The following KIAA1549L variants were observed in gnomAD, a reference collection of about 807,000 sequenced individuals.
KIAA1549L encodes KIAA1549 like.
A neutral mutation model predicts 160.7 loss-of-function variants in KIAA1549L; 88 were observed. That is an observed-to-expected ratio of 0.55 (90% CI 0.46 to 0.65). The LOEUF is 0.65. KIAA1549L is among the 30% of genes least tolerant of loss of function. KIAA1549L has a pLI of 0.00. For missense variants in KIAA1549L, 2,258 were observed against 2,437.5 expected (o/e 0.93, Z 1.55); for synonymous variants, 950 against 976.7 (o/e 0.97, Z 0.51).
At chr11:33,619,555 A>G (rs929454377) in intron 16 of KIAA1549L, among the ~76,000 whole-genome samples, 1 of 152,228 alleles carries the variant, frequency 6.6e-6, no homozygotes, top group African/African-American at 2.4e-5. Context: ...CCTCAGGATT[A>G]GTCATCTTTT....
intron 1 of KIAA1549L, among the ~76,000 whole-genome samples, chr11:33,459,768 C>T (rs867508698): frequency 6.6e-6 from 1 of 150,664 alleles, no homozygotes; most frequent in East Asian, 2.0e-4. Context: ...GAGACCATCC[C>T]GGCTAAAACG....
At chr11:33,394,963 T>C (rs762093063) in intron 1 of KIAA1549L, among the ~76,000 whole-genome samples, 1 of 152,176 alleles carries the variant, frequency 6.6e-6, no homozygotes, top group Non-Finnish European at 1.5e-5. Flanking sequence ...GACTTGGCCA[T>C]AGTGACCTGC....
At chr11:33,537,932 T>C (rs1213903688) in intron 1 of KIAA1549L, among the ~76,000 whole-genome samples, 1 of 152,240 alleles carries the variant, frequency 6.6e-6, no homozygotes, top group African/African-American at 2.4e-5. Context: ...TAAATAAAGT[T>C]GATACTTTGG....
chr11:33,558,217 A>G (rs1408147050), intron 6 of KIAA1549L, among the ~76,000 whole-genome samples: 3 of 152,204 alleles, frequency 2.0e-5, no homozygotes, highest in Non-Finnish European at 1.5e-5. Flanking sequence ...GTGTCCTGAC[A>G]GGAAAAGGAG....
rs184633383 is a variant in KIAA1549L at position 33,581,292 on chromosome 11, A to T, written c.4403-2046A>T. On this transcript the variant is annotated intron_variant, in intron 10 of 20. Transcript: ENST00000658780. ...GGTGACGGCCACAAAAACAAACTGG[A>T]AACACTTGAATGGATGCCTTCTCCT... Among the ~76,000 whole-genome samples the T allele has an allele frequency of 2.5e-3, 379 of 152,322 alleles. 5 individuals are homozygous for T. The highest frequency in any genetic ancestry group is 8.9e-3 in the African/African-American group (368 of 41,576).
In KIAA1549L at chr11:33,551,226, C is replaced by A. The variant is rs775182028; in HGVS notation, c.3688C>A (p.Pro1230Thr). 1 of 1,613,532 alleles carries A rather than the reference C, an allele frequency of 6.2e-7. No homozygotes were observed. Among genetic ancestry groups the A allele is most frequent in the South Asian group, 1.1e-5 (1 of 91,040 alleles). The stretch of plus-strand genomic sequence containing the variant: ...GGCAGTACTTGCCTCCCCATGGAAT[C>A]CCCAGCCTGCAGGCTACTTCCAGCT... ...SVAVLASPWN[P>T]QPAGYFQLKT... The change falls in exon 5 of 21, where the codon CCC becomes ACC. Residue 1230 changes from proline (P) to threonine (T), a missense_variant. Transcript: ENST00000658780.
At chr11:33,566,400 G>A (rs1855050441) in intron 8 of KIAA1549L, among the ~76,000 whole-genome samples, 1 of 152,178 alleles carries the variant, frequency 6.6e-6, no homozygotes, top group African/African-American at 2.4e-5. Context: ...ACAAGAGGTG[G>A]GCCAGCCCTT....
chr11:33,452,125 C>T (rs1851732871), intron 1 of KIAA1549L, among the ~76,000 whole-genome samples: 1 of 152,174 alleles, frequency 6.6e-6, no homozygotes, highest in African/African-American at 2.4e-5. Flanking sequence ...ACCCCCTCCC[C>T]CACCAAAAAA....
chr11:33,432,440 T>G (rs2761197), intron 1 of KIAA1549L, among the ~76,000 whole-genome samples: 97,566 of 151,686 alleles, frequency 0.64, 31,968 homozygotes, highest in African/African-American at 0.75. Flanking sequence ...TGGATATGGG[T>G]TTTTTTTTCT....
At chr11:33,562,620 G>A (rs192351008) in intron 8 of KIAA1549L, among the ~76,000 whole-genome samples, 194 of 151,470 alleles carry the variant, frequency 1.3e-3, no homozygotes, top group African/African-American at 4.5e-3. Context: ...TTCTTATAAG[G>A]ACACCATCAT....
intron 1 of KIAA1549L, among the ~76,000 whole-genome samples, chr11:33,514,436 C>T (rs762543084): frequency 6.6e-6 from 1 of 152,144 alleles, no homozygotes; most frequent in African/African-American, 2.4e-5. Flanking sequence ...CAGGGTTTTC[C>T]ATCAACATTT....
chr11:33,598,524 A>G (rs966271382), intron 12 of KIAA1549L, among the ~76,000 whole-genome samples: 10 of 152,114 alleles, frequency 6.6e-5, no homozygotes, highest in African/African-American at 2.4e-4. Flanking sequence ...CACCCTTGCC[A>G]CCATTCCCAT....
In KIAA1549L at chr11:33,579,227, C is replaced by T. The variant is rs570834351; in HGVS notation, c.4403-4111C>T. ...GGAGATTAAAAGAGATAATTGTTGC[C>T]TGTAAAGGGCTTGGTGCAGTCCTGG... On this transcript the variant is annotated intron_variant, in intron 10 of 20. Transcript: ENST00000658780. Among the ~76,000 whole-genome samples the T allele has an allele frequency of 1.2e-4, 18 of 152,260 alleles. No homozygotes were observed. The South Asian group carries it at 3.3e-3, about 28-fold the overall frequency.
chr11:33,417,917 AC>A (rs1466038925), intron 1 of KIAA1549L, among the ~76,000 whole-genome samples: 1 of 152,164 alleles, frequency 6.6e-6, no homozygotes, highest in Non-Finnish European at 1.5e-5. Flanking sequence ...AGCTGGTATT[AC>A]AGGTGCCCAC....
intron 4 of KIAA1549L, among the ~76,000 whole-genome samples, chr11:33,550,610 G>GCC (rs1243882549): frequency 6.6e-6 from 1 of 152,092 alleles, no homozygotes; most frequent in Non-Finnish European, 1.5e-5. Context: ...CTTGACCGGT[G>GCC]CCCCCAAGGT....
chr11:33,426,625 T>C (rs535894496), intron 1 of KIAA1549L, among the ~76,000 whole-genome samples: 27 of 152,342 alleles, frequency 1.8e-4, no homozygotes, highest in Middle Eastern at 6.8e-3. Flanking sequence ...AAGTTTGTTA[T>C]GTGCTAGAAT....
chr11:33,413,801 T>TC (rs1850831894), intron 1 of KIAA1549L, among the ~76,000 whole-genome samples: 2 of 152,212 alleles, frequency 1.3e-5, no homozygotes, highest in South Asian at 4.1e-4. Context: ...GAAGTGGACT[T>TC]CTATAGCACA....
At chr11:33,518,160 AAAAAAAGAC>A (rs1173688091) in intron 1 of KIAA1549L, among the ~76,000 whole-genome samples, 6 of 150,056 alleles carry the variant, frequency 4.0e-5, no homozygotes, top group African/African-American at 1.5e-4. Context: ...AAAAAAAAAA[AAAAAAAGAC>A]ATAGCAAAGG....
Position 33,658,746 on chromosome 11 carries a change from C to G in KIAA1549L, c.5859-4C>G. 2 of 1,571,330 alleles carry G rather than the reference C, an allele frequency of 1.3e-6. No homozygotes were observed. Among genetic ancestry groups the G allele is most frequent in the Non-Finnish European group, 1.7e-6 (2 of 1,159,048 alleles). Reference sequence around the variant, plus strand: ...TGCTAACGCAGTCCCTCTGCCCCATCTAGATCCACCTCAGACATCGGCAGC... The same window carrying G: ...TGCTAACGCAGTCCCTCTGCCCCATGTAGATCCACCTCAGACATCGGCAGC... On this transcript the variant is annotated splice_polypyrimidine_tract_variant and splice_region_variant and intron_variant, in intron 18 of 20. Coordinates refer to ENST00000658780, the MANE Select transcript of KIAA1549L (RefSeq NM_012194.3).
Sources: gnomAD v4.1 joint callset for allele counts (sites outside exome capture counted in the v4.1 genomes callset) on GRCh38, gnomAD v4.1.1 for gene constraint, MANE v1.5 for transcripts, NCBI Gene and HGNC (gene_info 2026-07-23, HGNC 2026-07-21) for gene names.